Variants in FAM169A observed in about 807,000 individuals in gnomAD.
FAM169A encodes the protein soluble lamin-associated protein of 75 kDa.
Under a neutral mutation model 75.7 loss-of-function variants are expected in FAM169A, and 24 were observed. The observed-to-expected ratio is 0.32, with a 90% CI of 0.23 to 0.45. FAM169A has a LOEUF of 0.45. Ranked by LOEUF, FAM169A falls within the 20% of genes least tolerant of loss-of-function variation. The pLI, the probability that FAM169A is intolerant of heterozygous loss-of-function variation, is 1.00. For missense variants in FAM169A, 673 were observed against 784.0 expected (o/e 0.86, Z 1.69); for synonymous variants, 271 against 271.0 (o/e 1.00, Z 0.00).
intron 11 of FAM169A, among the ~76,000 whole-genome samples, chr5:74,787,051 C>T (rs1350898368): frequency 1.3e-5 from 2 of 152,090 alleles, no homozygotes; most frequent in Non-Finnish European, 2.9e-5. Flanking sequence ...GACTAAAGTC[C>T]CGGTGGCCTC....
At chr5:74,853,090 G>A (rs1275339441) in intron 1 of FAM169A, among the ~76,000 whole-genome samples, 1 of 152,150 alleles carries the variant, frequency 6.6e-6, no homozygotes, top group Non-Finnish European at 1.5e-5. Flanking sequence ...AAGTGAGGAT[G>A]AGCCAAATGA....
chr5:74,800,260 GTTTGT>G (rs956790369), intron 10 of FAM169A, among the ~76,000 whole-genome samples: 7 of 125,178 alleles, frequency 5.6e-5, no homozygotes, highest in Admixed American at 7.6e-5. Flanking sequence ...CAATGTTTTT[GTTTGT>G]TTTTTTTTTG....
chr5:74,852,304 C>T (rs1749485372), intron 1 of FAM169A, among the ~76,000 whole-genome samples: 1 of 152,124 alleles, frequency 6.6e-6, no homozygotes, highest in Admixed American at 6.6e-5. Flanking sequence ...TCCAACTCTG[C>T]ACTTGGAGCT....
rs1393546937 is a variant in FAM169A, at chr5:74,813,746, T to C, written c.670+94A>G. ...GAGAGCCTAAGGTTCCAAATTTATG[T>C]GATACTGATATATACACATTTACCG... On this transcript the variant is annotated intron_variant, in intron 6 of 12. Coordinates refer to ENST00000687041, the MANE Select transcript of FAM169A (RefSeq NM_001376049.1). 5 of 893,396 alleles carry C rather than the reference T, an allele frequency of 5.6e-6. No homozygotes were observed. In the Admixed American group the frequency reaches 1.6e-4, roughly 29 times the overall value. 55.3% of individuals were successfully genotyped at this position (893,396 alleles called of 1,614,324 possible). A position where few individuals can be genotyped will look rare whatever the true frequency, so the allele number is the denominator to read the frequency against.
Position 74,781,868 on chromosome 5 carries a change from A to T in FAM169A, c.1605T>A (p.Asn535Lys), listed in dbSNP as rs755152850. 7.4e-6 allele frequency: 12 copies of T among 1,613,980 alleles called. No individual in the cohort carries two copies. Among genetic ancestry groups the T allele is most frequent in the Admixed American group, 1.7e-5 (1 of 60,000 alleles). ...GAAAACCACCATCAGATCGTTCTTC[A>T]TTTGACATAGTAGCAACATTGTCTG... ...GSSDNVATMS[N>K]EERSDGGFPN... The change falls in exon 13 of 13, where the codon AAT becomes AAA. Residue 535 changes from asparagine (N) to lysine (K), a missense_variant. Coordinates refer to ENST00000687041, the MANE Select transcript of FAM169A (RefSeq NM_001376049.1).
chr5:74,810,992 T>C (rs1243672491), intron 6 of FAM169A, among the ~76,000 whole-genome samples: 2 of 146,644 alleles, frequency 1.4e-5, no homozygotes, highest in Non-Finnish European at 3.0e-5. Context: ...TTTTTTTTTT[T>C]TTTTCCTTCA....
chr5:74,805,317 C>A lies in FAM169A; in HGVS notation c.671-33G>T, dbSNP rs567466840. The A allele has an allele frequency of 5.6e-6, 9 of 1,603,608 alleles. No individual in the cohort carries two copies. The African/African-American group carries it at 9.4e-5, about 17-fold the overall frequency. ...ACACATTTAGAATTTTCTAGAAATC[C>A]CAAATATCCACTGTTTTGAAAAACA... On this transcript the variant is annotated intron_variant, in intron 6 of 12. Transcript: ENST00000687041.
chr5:74,855,859 G>A (rs1009194217), intron 1 of FAM169A, among the ~76,000 whole-genome samples: 4 of 152,146 alleles, frequency 2.6e-5, no homozygotes, highest in African/African-American at 9.7e-5. Context: ...CTTTGCCCAC[G>A]CCTATGCCCT....
chr5:74,845,664 G>GTTTA (rs1749117957), intron 1 of FAM169A, among the ~76,000 whole-genome samples: 1 of 152,150 alleles, frequency 6.6e-6, no homozygotes, highest in Non-Finnish European at 1.5e-5. Flanking sequence ...TCAACTGTTA[G>GTTTA]TAAATGTAAA....
chr5:74,811,083 AG>A (rs2112566600), intron 6 of FAM169A, among the ~76,000 whole-genome samples: 1 of 151,512 alleles, frequency 6.6e-6, no homozygotes, highest in African/African-American at 2.4e-5. Flanking sequence ...CCCAGGCTCA[AG>A]CAAAATCTGG....
At chr5:74,800,261 T>C (rs1426776653) in intron 10 of FAM169A, among the ~76,000 whole-genome samples, 1 of 125,086 alleles carries the variant, frequency 8.0e-6, no homozygotes, top group East Asian at 2.0e-4. Flanking sequence ...AATGTTTTTG[T>C]TTGTTTTTTT....
chr5:74,841,649 T>C lies in FAM169A; in HGVS notation c.28A>G (p.Asn10Asp). 3.7e-6 allele frequency: 6 copies of C among 1,613,090 alleles called. No homozygotes were observed. The highest frequency in any genetic ancestry group is 5.1e-6 in the Non-Finnish European group (6 of 1,179,332). Residue 10 changes from asparagine (N) to aspartate (D), a missense_variant, in exon 2 of 13, where the codon AAT becomes GAT. Physicochemically the swap from Asn to Asp is conservative, Grantham distance 23 (BLOSUM62 1). Transcript: ENST00000687041. ...TTTTCCAATTCCTCATGGCTGCAAT[T>C]TTCCAGCATATCCACAGGGAATGCC... MAFPVDMLE[N>D]CSHEELENSA...
intron 11 of FAM169A, among the ~76,000 whole-genome samples, chr5:74,785,834 AAAG>A (rs1310977294): frequency 6.6e-6 from 1 of 152,246 alleles, no homozygotes; most frequent in Admixed American, 6.5e-5. Flanking sequence ...ATAATTCTCA[AAAG>A]AAGATATACA....
rs750413505 is a variant in FAM169A at position 74,781,995 on chromosome 5, G to A, written c.1478C>T (p.Pro493Leu). The change falls in exon 13 of 13, where the codon CCT becomes CTT. Residue 493 changes from proline (P) to leucine (L), a missense_variant. Around this residue, in one of 3 missense-constraint regions of FAM169A, gnomAD observed 510 missense variants for 550.9 expected, o/e 0.93. Coordinates refer to ENST00000687041, the MANE Select transcript of FAM169A (RefSeq NM_001376049.1). ...VDAPDKTPRI[P>L]DSEMLMDEGT... is the part of the protein sequence containing the mutation. ...TTCATCCATCAACATTTCTGAGTCA[G>A]GTATACGTGGGGTCTGAAAATTAAA... 6.2e-7 allele frequency: 1 copy of A among 1,605,578 alleles called. No homozygotes were observed. The highest frequency in any genetic ancestry group is 1.1e-5 in the South Asian group (1 of 90,592).
chr5:74,783,467 CAG>C (rs1745514728), intron 11 of FAM169A, among the ~76,000 whole-genome samples: 2 of 152,150 alleles, frequency 1.3e-5, no homozygotes, highest in Non-Finnish European at 2.9e-5. Flanking sequence ...AGAGGGCAAT[CAG>C]GGAAAGAACT....
At chr5:74,839,929 C>A in intron 3 of FAM169A, 145 bp downstream of exon 3, 1 of 545,824 alleles carries the variant, frequency 1.8e-6, no homozygotes, top group South Asian at 3.1e-5. Flanking sequence ...TAGCTATAAG[C>A]AATTAAGAAT....
intron 5 of FAM169A, among the ~76,000 whole-genome samples, chr5:74,830,114 A>G (rs1162465811): frequency 6.6e-6 from 1 of 152,234 alleles, no homozygotes; most frequent in Non-Finnish European, 1.5e-5. Flanking sequence ...AAAAGTAAAC[A>G]GCACAATATT....
At chr5:74,806,172 AAGG>A (rs1186787005) in intron 6 of FAM169A, among the ~76,000 whole-genome samples, 3 of 152,072 alleles carry the variant, frequency 2.0e-5, no homozygotes, top group Non-Finnish European at 4.4e-5. Flanking sequence ...TGGGAGGGAG[AAGG>A]AGAAGAAAAA....
chr5:74,850,914 CTTTGTT>C (rs1479103377), intron 1 of FAM169A, among the ~76,000 whole-genome samples: 4 of 151,948 alleles, frequency 2.6e-5, no homozygotes, highest in Non-Finnish European at 4.4e-5. Context: ...TAGTTTTTTG[CTTTGTT>C]TTTGTTTGTT....
Sources: allele counts gnomAD v4.1 joint callset (sites outside exome capture counted in the v4.1 genomes callset), GRCh38; gene constraint gnomAD v4.1.1; regional missense constraint gnomAD v4.1.1; transcripts MANE v1.5; gene names NCBI Gene and HGNC (gene_info 2026-07-23, HGNC 2026-07-21).